ACOX3: variants seen among roughly 807,000 people sequenced by gnomAD.
The protein encoded by ACOX3 is peroxisomal acyl-coenzyme A oxidase 3.
Under a neutral mutation model 81.5 loss-of-function variants are expected in ACOX3, and 73 were observed. The ratio of observed to expected loss-of-function variants is 0.90; its 90% CI spans 0.74 to 1.09. The LOEUF (loss-of-function observed/expected upper bound fraction) is 1.09. Among genes scored for constraint, ACOX3 ranks in the 50% least tolerant of loss-of-function variants. The probability of loss-of-function intolerance (pLI) is 0.00; values close to 1 mark genes in which losing one functional copy is unlikely to be tolerated. For missense variants in ACOX3, 947 were observed against 928.0 expected, an observed-to-expected ratio of 1.02 and a Z score of -0.27; for synonymous variants, 387 against 375.1, an observed-to-expected ratio of 1.03 and a Z score of -0.37.
intron 14 of ACOX3, among the ~76,000 whole-genome samples, chr4:8,377,426 G>A (rs1489677707): frequency 6.6e-6 from 1 of 152,082 alleles, no homozygotes; most frequent in Admixed American, 6.5e-5. Flanking sequence ...AATGCATCGC[G>A]AGTGCCAGTG....
rs112156057 is a variant in ACOX3 at position 8,429,506 on chromosome 4, G to A, written c.-15+11142C>T. 3.9e-5 allele frequency among the ~76,000 whole-genome samples: 6 copies of A among 152,306 alleles called. 1 individual carries two copies. The highest frequency in any genetic ancestry group is 1.4e-4 in the African/African-American group (6 of 41,572). On this transcript the variant is annotated intron_variant, in intron 1 of 17. Transcript: ENST00000356406. ...AATCAGACGAATTCCTGGGAATTGC[G>A]GATATTGCTCGCCACAGTATCTTAT...
At chr4:8,409,148 A>G (rs1721395233) in intron 6 of ACOX3, among the ~76,000 whole-genome samples, 1 of 152,276 alleles carries the variant, frequency 6.6e-6, no homozygotes, top group Non-Finnish European at 1.5e-5. Flanking sequence ...ACGTCAGGTC[A>G]ACTGAAAAAT....
At chr4:8,425,223 A>G (rs898471217) in intron 1 of ACOX3, among the ~76,000 whole-genome samples, 1 of 152,140 alleles carries the variant, frequency 6.6e-6, no homozygotes, top group Non-Finnish European at 1.5e-5. Context: ...GGAACCGCGA[A>G]GCAGATACTG....
In ACOX3 at chr4:8,378,239, A is replaced by G. The variant is rs1455864376; in HGVS notation, c.1654-3087T>C. On this transcript the variant is annotated intron_variant, in intron 14 of 17. Transcript: ENST00000356406. ...AGACTGCAGCCATGCAGCCTGGGGA[A>G]AGGGTTGGACTCTGTGACAGCTGGC... Among the ~76,000 whole-genome samples, 9 of 152,318 alleles carry G rather than the reference A, an allele frequency of 5.9e-5. 1 individual carries two copies. In the South Asian group the frequency reaches 1.2e-3, roughly 21 times the overall value.
intron 14 of ACOX3, among the ~76,000 whole-genome samples, chr4:8,380,639 C>T (rs1717520557): frequency 6.6e-6 from 1 of 152,170 alleles, no homozygotes; most frequent in Non-Finnish European, 1.5e-5. Context: ...TGGGCCTTCC[C>T]AGAGACAGGC....
rs1217187730 is a variant in ACOX3, at chr4:8,384,507, C to T, written c.1538-2900G>A. Reference sequence around the variant, plus strand: ...CACACCCAGCGTCAACAACCTCTGTCCTCAAGACTCTCCCAGAATCCTGGG... The same window carrying T: ...CACACCCAGCGTCAACAACCTCTGTTCTCAAGACTCTCCCAGAATCCTGGG... On this transcript the variant is annotated intron_variant, in intron 13 of 17. Coordinates refer to ENST00000356406, the MANE Select transcript of ACOX3 (RefSeq NM_003501.3). This position sits in a 1 kb window ranked among gnomAD's most constrained non-coding sequence, Gnocchi z 5.3. Among the ~76,000 whole-genome samples, 2 of 152,168 alleles carry T rather than the reference C, an allele frequency of 1.3e-5. No homozygotes were observed. The highest frequency in any genetic ancestry group is 2.9e-5 in the Non-Finnish European group (2 of 68,028).
intron 1 of ACOX3, among the ~76,000 whole-genome samples, chr4:8,424,448 C>T (rs973067163): frequency 1.1e-4 from 16 of 152,214 alleles, no homozygotes; most frequent in African/African-American, 3.6e-4. Context: ...CAACCCATGG[C>T]ATACCTGAGT....
At chr4:8,372,158 T>C (rs1279344501) in intron 16 of ACOX3, among the ~76,000 whole-genome samples, 1 of 152,160 alleles carries the variant, frequency 6.6e-6, no homozygotes, top group African/African-American at 2.4e-5. Flanking sequence ...AGTGTGATGG[T>C]GCAATTACGG....
rs1287859285 is a variant in ACOX3 at position 8,416,982 on chromosome 4, G to A, written c.-14-447C>T. Among the ~76,000 whole-genome samples the A allele has an allele frequency of 6.6e-6, 1 of 152,156 alleles. No homozygotes were observed. Among genetic ancestry groups the A allele is most frequent in the Non-Finnish European group, 1.5e-5 (1 of 68,024 alleles). On this transcript the variant is annotated intron_variant, in intron 1 of 17. Transcript: ENST00000356406. This position sits in a 1 kb window ranked among gnomAD's most constrained non-coding sequence, Gnocchi z 4.2. Reference sequence around the variant, plus strand: ...TGGTCCACTCTGGCCACACACAATGGTACCTCACGTCTCCACCCACCGCCG... The same window carrying A: ...TGGTCCACTCTGGCCACACACAATGATACCTCACGTCTCCACCCACCGCCG...
intron 7 of ACOX3, among the ~76,000 whole-genome samples, chr4:8,403,520 C>T (rs1463272846): frequency 6.6e-6 from 1 of 152,198 alleles, no homozygotes; most frequent in Non-Finnish European, 1.5e-5. Context: ...TCCCTGTCAC[C>T]CTGCAGAGAG....
rs556666673 is a variant in ACOX3 at position 8,397,062 on chromosome 4, T to A, written c.931A>T (p.Ile311Phe). 1 of 1,603,952 alleles carries A rather than the reference T, an allele frequency of 6.2e-7. No homozygotes were observed. Among genetic ancestry groups the A allele is most frequent in the Non-Finnish European group, 8.5e-7 (1 of 1,175,738 alleles). Residue 311 changes from isoleucine to phenylalanine, a missense_variant, in exon 9 of 18, where the codon ATC (isoleucine) becomes TTC (phenylalanine). Coordinates refer to ENST00000356406, the MANE Select transcript of ACOX3 (RefSeq NM_003501.3). Reference protein sequence around the residue: ...LGSLSSGRVSIVSLAILNLKL... With the variant: ...LGSLSSGRVSFVSLAILNLKL... The stretch of plus-strand genomic sequence containing the variant: ...AGGTTAAGGATGGCCAGGCTCACGA[T>A]GGAGACCCGGCCCGAGGACAGGCTC...
At position 8,397,856 on chromosome 4, in the gene ACOX3, C is replaced by T. The variant is rs748401823; in HGVS notation, c.874-737G>A. Among the ~76,000 whole-genome samples, 5 of 152,214 alleles carry T rather than the reference C, an allele frequency of 3.3e-5. 1 individual carries two copies. Among genetic ancestry groups the T allele is most frequent in the African/African-American group, 2.4e-5 (1 of 41,448 alleles). On this transcript the variant is annotated intron_variant, in intron 8 of 17. Coordinates refer to ENST00000356406, the MANE Select transcript of ACOX3 (RefSeq NM_003501.3). Reference sequence around the variant, plus strand: ...CACTCTCACATAGGAATCACAGTCTCGTTGTGTTTAAAAATGTATTTAAGC... The same window carrying T: ...CACTCTCACATAGGAATCACAGTCTTGTTGTGTTTAAAAATGTATTTAAGC...
intron 9 of ACOX3, among the ~76,000 whole-genome samples, chr4:8,395,867 A>C (rs1719637677): frequency 6.6e-6 from 1 of 152,244 alleles, no homozygotes; most frequent in South Asian, 2.1e-4. Context: ...ATTTCCTGGA[A>C]GTTTCACCCA....
Position 8,374,981 on chromosome 4 carries a change from G to T in ACOX3, c.1825C>A (p.Arg609=), listed in dbSNP as rs1448527793. The T allele has an allele frequency of 2.0e-6, 3 of 1,517,674 alleles. No homozygotes were observed. Among genetic ancestry groups the T allele is most frequent in the Non-Finnish European group, 2.7e-6 (3 of 1,124,764 alleles). 94.0% of individuals were successfully genotyped at this position (1,517,674 alleles called of 1,614,324 possible). A position where few individuals can be genotyped will look rare whatever the true frequency, so the allele number is the denominator to read the frequency against. Residue 609 remains arginine, a synonymous_variant, in exon 15 of 18, where the codon CGA becomes AGA. Coordinates refer to ENST00000356406, the MANE Select transcript of ACOX3 (RefSeq NM_003501.3). ...SLSRHAALLY[R]GGYFSGEQAG... ...AGCCCGCAGTCAGAAGCCTCACCTC[G>T]GTAGAGCAGGGCCGCGTGGCGGCTC...
At chr4:8,390,614 A>C (rs1028726004) in intron 11 of ACOX3, among the ~76,000 whole-genome samples, 3 of 152,210 alleles carry the variant, frequency 2.0e-5, no homozygotes, top group Admixed American at 1.3e-4. Flanking sequence ...ATGCCTTCAC[A>C]TATGTTGTCA....
In ACOX3 at chr4:8,405,458, T is replaced by C. The variant is rs1157982711; in HGVS notation, c.776+497A>G. Among the ~76,000 whole-genome samples, 1 of 152,212 alleles carries C rather than the reference T, an allele frequency of 6.6e-6. No homozygotes were observed. Among genetic ancestry groups the C allele is most frequent in the African/African-American group, 2.4e-5 (1 of 41,452 alleles). ...ACATGTGTGCTGCTAAATAGATATA[T>C]GTGGGCTGATTAAACAAATAAGCCA... On this transcript the variant is annotated intron_variant, in intron 7 of 17. Coordinates refer to ENST00000356406, the MANE Select transcript of ACOX3 (RefSeq NM_003501.3). The surrounding 1 kb of genome is among the most constrained non-coding windows in gnomAD (Gnocchi z 7.1).
chr4:8,427,094 C>T (rs1433797028), intron 1 of ACOX3, among the ~76,000 whole-genome samples: 1 of 152,174 alleles, frequency 6.6e-6, no homozygotes, highest in African/African-American at 2.4e-5. Flanking sequence ...GGTGACCACA[C>T]CCACCTTTAA....
At position 8,400,250 on chromosome 4, in the gene ACOX3, C is replaced by CAATAATAATAATAATAAT. The variant is rs3068615; in HGVS notation, c.777-616_777-599dup. 1.1e-4 allele frequency among the ~76,000 whole-genome samples: 16 copies of CAATAATAATAATAATAAT among 146,292 alleles called. No homozygotes were observed. Among genetic ancestry groups the CAATAATAATAATAATAAT allele is most frequent in the African/African-American group, 3.3e-4 (13 of 39,342 alleles). On this transcript the variant is annotated intron_variant, in intron 7 of 17. Coordinates refer to ENST00000356406, the MANE Select transcript of ACOX3 (RefSeq NM_003501.3). This position sits in a 1 kb window ranked among gnomAD's most constrained non-coding sequence, Gnocchi z 4.4. ...TTGGTGACAGAGCAAGACTCCACCT[C>CAATAATAATAATAATAAT]AATAATAATAATAATAATAATAATA...
chr4:8,434,145 TTC>T (rs1478290229), intron 1 of ACOX3, among the ~76,000 whole-genome samples: 6 of 152,160 alleles, frequency 3.9e-5, no homozygotes, highest in South Asian at 2.1e-4. Context: ...TTGCAAAACT[TTC>T]TGTTCTGTTA....
Sources: gnomAD v4.1 joint callset for allele counts (sites outside exome capture counted in the v4.1 genomes callset) on GRCh38, gnomAD v4.1.1 for gene constraint, Gnocchi (gnomAD v3.1) non-coding constraint, MANE v1.5 for transcripts, NCBI Gene and HGNC (gene_info 2026-07-23, HGNC 2026-07-21) for gene names.